The following FZD3 variants were observed in gnomAD, a reference collection of about 807,000 sequenced individuals.
The protein encoded by FZD3 is frizzled class receptor 3.
A neutral mutation model predicts 60.7 loss-of-function variants in FZD3; 30 were observed. That is an observed-to-expected ratio of 0.49 (90% CI 0.37 to 0.67). FZD3 has a LOEUF of 0.67. FZD3 is among the 30% of genes least tolerant of loss of function. FZD3 has a pLI of 0.00. For missense variants in FZD3, 605 were observed against 838.7 expected, an observed-to-expected ratio of 0.72 and a Z score of 3.44; for synonymous variants, 246 against 275.2, an observed-to-expected ratio of 0.89 and a Z score of 1.05.
rs1805834757 is a variant in FZD3, at chr8:28,573,109, C to T, written c.*10098C>T. The stretch of plus-strand genomic sequence containing the variant: ...TTCCTAGGCAATATGCTCATGATAC[C>T]CTCTTCATGTGACCTATTCCTCAAA... On this transcript the variant is annotated 3_prime_UTR_variant, in exon 8 of 8. Transcript: ENST00000240093. 1 of 151,898 alleles carries T rather than the reference C, an allele frequency of 6.6e-6. No individual in the cohort carries two copies. Among genetic ancestry groups the T allele is most frequent in the African/African-American group, 2.4e-5 (1 of 41,360 alleles). 9.4% of individuals were successfully genotyped at this position (151,898 alleles called of 1,614,324 possible).
In FZD3 at chr8:28,569,546, A is replaced by C. The variant is rs919764222; in HGVS notation, c.*6535A>C. 2 of 151,940 alleles carry C rather than the reference A, an allele frequency of 1.3e-5. No homozygotes were observed. Among genetic ancestry groups the C allele is most frequent in the African/African-American group, 4.8e-5 (2 of 41,360 alleles). The allele number at this position is 151,940 out of a possible 1,614,324, so 9.4% of individuals were successfully genotyped here. ...TTTTGGTCTCATTTTTATTCTTCTT[A>C]TTCATCCCATGAACTAGATCAACTT... On this transcript the variant is annotated 3_prime_UTR_variant, in exon 8 of 8. Coordinates refer to ENST00000240093, the MANE Select transcript of FZD3 (RefSeq NM_017412.4).
intron 3 of FZD3, among the ~76,000 whole-genome samples, 180 bp downstream of exon 3, chr8:28,503,382 A>G (rs965684559): frequency 2.1e-4 from 32 of 152,214 alleles, no homozygotes; most frequent in African/African-American, 7.7e-4. Flanking sequence ...AAGAATTCAC[A>G]TTTGGTGAAT....
chr8:28,561,973 T>C (rs1805621155), intron 7 of FZD3, among the ~76,000 whole-genome samples: 1 of 152,160 alleles, frequency 6.6e-6, no homozygotes, highest in African/African-American at 2.4e-5. Flanking sequence ...GAGTCAGGAC[T>C]GCAACAAAAG....
Position 28,551,635 on chromosome 8 carries a change from C to T in FZD3, c.1437C>T (p.Leu479=). The change falls in exon 6 of 8, where the codon CTC becomes CTT. Residue 479 remains leucine, a synonymous_variant. Transcript: ENST00000240093. ...VTQMSRPDLI[L]FLMKYLMALI... ...AAATGAGTCGTCCAGACTTGATTCT[C>T]TTTCTGATGAAATACCTGATGGCTC... 1 of 1,610,588 alleles carries T rather than the reference C, an allele frequency of 6.2e-7. No individual in the cohort carries two copies. Among genetic ancestry groups the T allele is most frequent in the Non-Finnish European group, 8.5e-7 (1 of 1,177,224 alleles).
chr8:28,515,724 G>C (rs929337291), intron 3 of FZD3, among the ~76,000 whole-genome samples: 1 of 152,168 alleles, frequency 6.6e-6, no homozygotes, highest in African/African-American at 2.4e-5. Context: ...GATCTTATCA[G>C]GAAGCTGCTG....
chr8:28,503,460 C>T (rs960914), intron 3 of FZD3, among the ~76,000 whole-genome samples: 92,527 of 151,940 alleles, frequency 0.61, 28,421 homozygotes, highest in African/African-American at 0.66. Context: ...TGGGAGATAG[C>T]AGCCATTCAG....
At chr8:28,538,364 T>C (rs1305477458) in intron 5 of FZD3, among the ~76,000 whole-genome samples, 2 of 152,172 alleles carry the variant, frequency 1.3e-5, no homozygotes, top group African/African-American at 4.8e-5. Flanking sequence ...TTTTAAGTTA[T>C]ATGCTGTGTG....
At chr8:28,559,016 A>G (rs966356749) in intron 7 of FZD3, among the ~76,000 whole-genome samples, 1 of 152,228 alleles carries the variant, frequency 6.6e-6, no homozygotes, top group Non-Finnish European at 1.5e-5. Context: ...AAGATAACAG[A>G]TGTAGAACTG....
chr8:28,530,788 C>T (rs1259692554), intron 5 of FZD3, among the ~76,000 whole-genome samples: 7 of 107,230 alleles, frequency 6.5e-5, no homozygotes, highest in Admixed American at 2.9e-4. Context: ...CCAATACATA[C>T]GTAGTTATAA....
chr8:28,532,577 G>A (rs985621665), intron 5 of FZD3, among the ~76,000 whole-genome samples: 1 of 151,850 alleles, frequency 6.6e-6, no homozygotes, highest in South Asian at 2.1e-4. Context: ...ACAGGCATGT[G>A]CTACCATGCT....
chr8:28,502,986 A>C lies in FZD3; in HGVS notation c.-28A>C. On this transcript the variant is annotated 5_prime_UTR_variant, in exon 3 of 8. Transcript: ENST00000240093. ...AAATACATATTGAATAGGCCTGATC[A>C]TCTGAATCTCCTTCAGACCCAGGAA... is the stretch of plus-strand genomic sequence containing the variant. 1.3e-6 allele frequency: 2 copies of C among 1,538,170 alleles called. No individual in the cohort carries two copies. The highest frequency in any genetic ancestry group is 1.8e-6 in the Non-Finnish European group (2 of 1,114,734).
Position 28,498,184 on chromosome 8 carries a change from T to C in FZD3, c.-390-1749T>C, listed in dbSNP as rs116193827. Among the ~76,000 whole-genome samples the C allele has an allele frequency of 9.1e-3, 1,389 of 152,308 alleles. 7 individuals are homozygous for C. The highest frequency in any genetic ancestry group is 0.02 in the African/African-American group (829 of 41,560). On this transcript the variant is annotated intron_variant, in intron 1 of 7. Coordinates refer to ENST00000240093, the MANE Select transcript of FZD3 (RefSeq NM_017412.4). ...AGAAGTGAATGTGTCTCTTTTCCCA[T>C]ACAAAGGGCGTGAGCAACTGTTGCA... is the stretch of plus-strand genomic sequence containing the variant.
At chr8:28,553,597 T>C (rs1240184002) in intron 6 of FZD3, among the ~76,000 whole-genome samples, 1 of 152,204 alleles carries the variant, frequency 6.6e-6, no homozygotes, top group African/African-American at 2.4e-5. Context: ...GCGGGGATAC[T>C]GGTTGGGCCG....
At chr8:28,553,867 C>T (rs984113157) in intron 6 of FZD3, among the ~76,000 whole-genome samples, 1 of 152,232 alleles carries the variant, frequency 6.6e-6, no homozygotes, top group Non-Finnish European at 1.5e-5. Flanking sequence ...ACTCAAAGCA[C>T]TGTTCTAAGC....
In FZD3 at chr8:28,515,917, G is replaced by C. The variant is rs143861681; in HGVS notation, c.190-4721G>C. 3.4e-3 allele frequency among the ~76,000 whole-genome samples: 521 copies of C among 152,262 alleles called. 3 individuals carry two copies. Among genetic ancestry groups the C allele is most frequent in the African/African-American group, 0.012 (502 of 41,556 alleles). On this transcript the variant is annotated intron_variant, in intron 3 of 7. Coordinates refer to ENST00000240093, the MANE Select transcript of FZD3 (RefSeq NM_017412.4). ...AAGCTTTTATTTTTGTTGAAGTCCA[G>C]GTTGCCAATTTTTTTCTTTTCAACT...
Position 28,568,089 on chromosome 8 carries a change from ATTT to A in FZD3, c.*5083_*5085del, listed in dbSNP as rs1441488148. 6.6e-6 allele frequency: 1 copy of A among 151,922 alleles called. No homozygotes were observed. Among genetic ancestry groups the A allele is most frequent in the Non-Finnish European group, 1.5e-5 (1 of 68,000 alleles). 9.4% of individuals were successfully genotyped at this position (151,922 alleles called of 1,614,324 possible). On this transcript the variant is annotated 3_prime_UTR_variant, in exon 8 of 8. Transcript: ENST00000240093. ...TGAGAATTGTTTGTACACATTTATA[ATTT>A]TTTTAAAGTATGTAAAGTAAGGATT...
intron 5 of FZD3, among the ~76,000 whole-genome samples, chr8:28,547,992 A>G (rs573287021): frequency 6.6e-6 from 1 of 151,888 alleles, no homozygotes; most frequent in Non-Finnish European, 1.5e-5. Context: ...AGCTGGGACT[A>G]CAGGCGCCCA....
intron 4 of FZD3, among the ~76,000 whole-genome samples, chr8:28,522,767 CTTTT>C (rs35662589): frequency 3.1e-5 from 3 of 96,866 alleles, no homozygotes; most frequent in African/African-American, 8.0e-5. Flanking sequence ...AGGGAACTTT[CTTTT>C]TTTTTTTTTT....
chr8:28,539,372 C>T (rs925320820), intron 5 of FZD3, among the ~76,000 whole-genome samples: 2 of 152,150 alleles, frequency 1.3e-5, no homozygotes, highest in African/African-American at 2.4e-5. Flanking sequence ...TATCAAGTTC[C>T]CATATGTGAA....
Sources: gnomAD v4.1 joint callset for allele counts (sites outside exome capture counted in the v4.1 genomes callset) on GRCh38, gnomAD v4.1.1 for gene constraint, MANE v1.5 for transcripts, NCBI Gene and HGNC (gene_info 2026-07-23, HGNC 2026-07-21) for gene names.